The following LIMK1 variants were observed in gnomAD, a reference collection of about 807,000 sequenced individuals.
LIMK1 encodes the protein LIM motif-containing protein kinase.
LIMK1 carries 21 observed loss-of-function variants against 77.6 expected under a neutral mutation model. That is an observed-to-expected ratio of 0.27 (90% confidence interval 0.19 to 0.39). The LOEUF (loss-of-function observed/expected upper bound fraction) is 0.39, where lower values mean the gene tolerates loss of function less well. Ranked by LOEUF, LIMK1 falls within the 10% of genes least tolerant of loss-of-function variation. The pLI, the probability that LIMK1 is intolerant of heterozygous loss-of-function variation, is 1.00. For missense variants in LIMK1, 696 were observed against 901.6 expected (o/e 0.77, Z 2.92); for synonymous variants, 358 against 370.0 (o/e 0.97, Z 0.37).
At chr7:74,108,031 G>A (rs575867042) in intron 9 of LIMK1, 74 bp downstream of exon 9, 28 of 1,074,858 alleles carry the variant, frequency 2.6e-5, no homozygotes, top group East Asian at 5.2e-5. Context: ...AACACAGGTC[G>A]GAAAAGGGCT....
chr7:74,117,751 A>G (rs1034756221), intron 13 of LIMK1, among the ~76,000 whole-genome samples: 1 of 152,142 alleles, frequency 6.6e-6, no homozygotes, highest in Admixed American at 6.6e-5. Context: ...TCAAGGCTGC[A>G]GTGAGCTATG....
chr7:74,084,450 C>G (rs1426363128), intron 1 of LIMK1, among the ~76,000 whole-genome samples: 1 of 152,212 alleles, frequency 6.6e-6, no homozygotes, highest in African/African-American at 2.4e-5. Context: ...CCGCCGGGCG[C>G]CTGCCCGGCT....
chr7:74,085,615 C>T (rs1584103145), intron 1 of LIMK1, 133 bp from the exon 2 acceptor site: 2 of 743,718 alleles, frequency 2.7e-6, no homozygotes, highest in East Asian at 5.4e-5. Context: ...GACTGCCCTG[C>T]CTGGGCGCTG....
rs782281171 is a variant in LIMK1, at chr7:74,111,924, C to T, written c.1345-9C>T. The T allele has an allele frequency of 9.3e-5, 150 of 1,611,950 alleles. No homozygotes were observed. The highest frequency in any genetic ancestry group is 1.6e-4 in the Middle Eastern group (1 of 6,084). On this transcript the variant is annotated splice_polypyrimidine_tract_variant and intron_variant, in intron 11 of 15. Coordinates refer to ENST00000336180, the MANE Select transcript of LIMK1 (RefSeq NM_002314.4). ...AGCTGCCCCCTGACTCCCGTGTCCCCGTCCCTAGGCCTACCTCCACTCCAT... is the reference window on the plus strand; with the variant it reads ...AGCTGCCCCCTGACTCCCGTGTCCCTGTCCCTAGGCCTACCTCCACTCCAT...
intron 2 of LIMK1, among the ~76,000 whole-genome samples, chr7:74,093,616 C>T (rs531516053): frequency 3.9e-5 from 6 of 152,324 alleles, no homozygotes; most frequent in African/African-American, 1.4e-4. Flanking sequence ...AGCCAGCCAC[C>T]TGGGCTGCAG....
intron 13 of LIMK1, among the ~76,000 whole-genome samples, chr7:74,119,841 G>A (rs1354516977): frequency 6.6e-6 from 1 of 152,086 alleles, no homozygotes; most frequent in Non-Finnish European, 1.5e-5. Flanking sequence ...CCAGGAGGCA[G>A]AGGTTGCAGT....
chr7:74,112,757 G>A (rs192471688), intron 12 of LIMK1, among the ~76,000 whole-genome samples: 174 of 152,124 alleles, frequency 1.1e-3, no homozygotes, highest in African/African-American at 4.0e-3. Context: ...CCCGGGAGGC[G>A]GAACTTGCAG....
intron 2 of LIMK1, among the ~76,000 whole-genome samples, chr7:74,089,740 C>G (rs1430650101): frequency 6.6e-6 from 1 of 151,972 alleles, no homozygotes; most frequent in African/African-American, 2.4e-5. Flanking sequence ...CAGAGCTAGC[C>G]ATGGGAGCCT....
chr7:74,084,089 C>A, intron 1 of LIMK1, 44 bp downstream of exon 1: 2 of 1,204,006 alleles, frequency 1.7e-6, no homozygotes, highest in South Asian at 1.5e-5. Flanking sequence ...GGAGGGGGTG[C>A]CCGGGGCAGC....
At chr7:74,098,263 G>A (rs1339415963) in intron 4 of LIMK1, among the ~76,000 whole-genome samples, 1 of 152,146 alleles carries the variant, frequency 6.6e-6, no homozygotes, top group African/African-American at 2.4e-5. Context: ...AGGGGCTCAT[G>A]AATAACAAAG....
chr7:74,115,060 T>G (rs1349822732), intron 12 of LIMK1, among the ~76,000 whole-genome samples: 1 of 151,632 alleles, frequency 6.6e-6, no homozygotes, highest in African/African-American at 2.4e-5. Flanking sequence ...CCTATCTCAA[T>G]CAGTCAATCA....
intron 2 of LIMK1, among the ~76,000 whole-genome samples, chr7:74,095,471 A>G (rs1468121992): frequency 6.6e-6 from 1 of 152,038 alleles, no homozygotes; most frequent in Non-Finnish European, 1.5e-5. Flanking sequence ...CAGTGGTGTA[A>G]TCATAGCACA....
chr7:74,088,383 G>T (rs1049124531), intron 2 of LIMK1, among the ~76,000 whole-genome samples: 4 of 152,198 alleles, frequency 2.6e-5, no homozygotes, highest in Non-Finnish European at 5.9e-5. Flanking sequence ...ACAGCGGTGG[G>T]ATGGTGCGGA....
At chr7:74,094,210 T>C (rs2115647951) in intron 2 of LIMK1, 1 of 152,450 alleles carries the variant, frequency 6.6e-6, no homozygotes, top group Middle Eastern at 3.4e-3. Context: ...GCAGACCTAG[T>C]GTCTGGTAGA....
chr7:74,111,288 A>C (rs1554698592), intron 10 of LIMK1: 1 of 239,590 alleles, frequency 4.2e-6, no homozygotes, highest in Non-Finnish European at 8.3e-6. Flanking sequence ...AATACAAAAA[A>C]TTAGCTGGGT....
At position 74,120,912 on chromosome 7, in the gene LIMK1, A is replaced by C; in HGVS notation, c.1644A>C (p.Ala548=). 1 of 1,614,104 alleles carries C rather than the reference A, an allele frequency of 6.2e-7. No homozygotes were observed. Among genetic ancestry groups the C allele is most frequent in the Non-Finnish European group, 8.5e-7 (1 of 1,180,008 alleles). ...GACAGATCATCGGGCGGGTGAACGCAGACCCTGACTACCTGCCCCGCACCA... is the reference window on the plus strand; with the variant it reads ...GACAGATCATCGGGCGGGTGAACGCCGACCCTGACTACCTGCCCCGCACCA... The part of the protein sequence containing the change: ...VLCEIIGRVN[A]DPDYLPRTMD... Residue 548 remains alanine, a synonymous_variant, in exon 15 of 16, where the codon GCA becomes GCC. Coordinates refer to ENST00000336180, the MANE Select transcript of LIMK1 (RefSeq NM_002314.4).
rs111893436 is a variant in LIMK1, at chr7:74,092,502, G to A, written c.153-4120G>A. ...TATTAGCCCTGAGGGTTGTCACTCC[G>A]GGGCCTGCCCCTTTCTGTGTTCTGA... On this transcript the variant is annotated intron_variant, in intron 2 of 15. Coordinates refer to ENST00000336180, the MANE Select transcript of LIMK1 (RefSeq NM_002314.4). Among the ~76,000 whole-genome samples, 6 of 152,240 alleles carry A rather than the reference G, an allele frequency of 3.9e-5. No individual in the cohort carries two copies. The South Asian group carries it at 8.3e-4, about 21-fold the overall frequency.
chr7:74,106,453 C>G (rs1236951789), intron 7 of LIMK1, among the ~76,000 whole-genome samples: 2 of 152,180 alleles, frequency 1.3e-5, no homozygotes, highest in Non-Finnish European at 2.9e-5. Flanking sequence ...AGAGGAAACA[C>G]ACATTTTTTA....
intron 2 of LIMK1, among the ~76,000 whole-genome samples, chr7:74,088,631 G>A (rs782686346): frequency 7.3e-5 from 11 of 151,614 alleles, no homozygotes; most frequent in Non-Finnish European, 1.6e-4. Context: ...TGAAACCCCC[G>A]TCTCTACTAA....
Sources: gnomAD v4.1 joint callset for allele counts (sites outside exome capture counted in the v4.1 genomes callset) on GRCh38, gnomAD v4.1.1 for gene constraint, MANE v1.5 for transcripts, NCBI Gene and HGNC (gene_info 2026-07-23, HGNC 2026-07-21) for gene names.